The following WASHC4 variants were observed in gnomAD, a reference collection of about 807,000 sequenced individuals.
The protein encoded by WASHC4 is WASH complex subunit 4.
WASHC4 carries 86 observed loss-of-function variants against 166.6 expected under a neutral mutation model. That is an observed-to-expected ratio of 0.52 (90% confidence interval 0.43 to 0.62). The LOEUF (loss-of-function observed/expected upper bound fraction) is 0.62. Ranked by LOEUF, WASHC4 falls within the 20% of genes least tolerant of loss-of-function variation. The pLI, the probability that WASHC4 is intolerant of heterozygous loss-of-function variation, is 0.00. For missense variants in WASHC4, 1,262 were observed against 1,382.4 expected, an observed-to-expected ratio of 0.91 and a Z score of 1.38; for synonymous variants, 446 against 451.6, an observed-to-expected ratio of 0.99 and a Z score of 0.16.
chr12:105,149,457 T>C, intron 24 of WASHC4, 158 bp from the exon 25 acceptor site: 2 of 1,054,374 alleles, frequency 1.9e-6, no homozygotes, highest in South Asian at 6.6e-5. Flanking sequence ...TAAAAAATGT[T>C]ATTTAAATAT....
intron 15 of WASHC4, among the ~76,000 whole-genome samples, chr12:105,138,979 A>G (rs1882559968): frequency 6.6e-6 from 1 of 152,180 alleles, no homozygotes; most frequent in South Asian, 2.1e-4. Context: ...ACCTCAGAGG[A>G]AACTACTGTC....
chr12:105,115,574 A>G (rs904884981), intron 5 of WASHC4, 87 bp from the exon 6 acceptor site: 246 of 823,148 alleles, frequency 3.0e-4, no homozygotes, highest in Non-Finnish European at 4.0e-4. Context: ...TGTCCTAATG[A>G]AAAAAAAAAA....
intron 9 of WASHC4, 103 bp from the exon 10 acceptor site, chr12:105,122,015 C>T: frequency 3.7e-6 from 3 of 806,468 alleles, no homozygotes; most frequent in East Asian, 5.5e-5. Context: ...TAGAGCCAAA[C>T]AAGAAATATA....
intron 32 of WASHC4, among the ~76,000 whole-genome samples, chr12:105,165,038 A>G (rs1566033875): frequency 6.6e-6 from 1 of 152,226 alleles, no homozygotes; most frequent in Non-Finnish European, 1.5e-5. Context: ...GGCTCAAACT[A>G]TTAGATTTGA....
chr12:105,110,749 A>G (rs891798531), intron 1 of WASHC4, among the ~76,000 whole-genome samples: 1 of 152,144 alleles, frequency 6.6e-6, no homozygotes, highest in Non-Finnish European at 1.5e-5. Flanking sequence ...CAGATCATGA[A>G]TATTTGTTTT....
At chr12:105,152,679 AT>A (rs1227972750) in intron 26 of WASHC4, among the ~76,000 whole-genome samples, 17 of 152,214 alleles carry the variant, frequency 1.1e-4, no homozygotes, top group Non-Finnish European at 2.2e-4. Flanking sequence ...TTCAATTATA[AT>A]TAAAGTTATT....
intron 15 of WASHC4, 29 bp from the exon 16 acceptor site, chr12:105,140,265 G>A: frequency 3.9e-6 from 6 of 1,522,582 alleles, no homozygotes; most frequent in Non-Finnish European, 5.5e-6. Flanking sequence ...TAAGTTGATT[G>A]TCAGAAAATT....
chr12:105,148,553 A>G (rs1883496151), intron 24 of WASHC4: 1 of 984,740 alleles, frequency 1.0e-6, no homozygotes, highest in Non-Finnish European at 1.2e-6. Context: ...CAGAATAGTT[A>G]CCCACTATTA....
At chr12:105,111,070 G>A in intron 1 of WASHC4, 55 bp from the exon 2 acceptor site, 2 of 1,295,232 alleles carry the variant, frequency 1.5e-6, no homozygotes, top group East Asian at 2.3e-5. Flanking sequence ...TGAAGTAAAT[G>A]TCCTGCAATT....
intron 22 of WASHC4, among the ~76,000 whole-genome samples, chr12:105,145,688 A>G (rs964395952): frequency 6.6e-6 from 1 of 152,132 alleles, no homozygotes; most frequent in Non-Finnish European, 1.5e-5. Context: ...TGTGTAAACA[A>G]ATTTTTAGAT....
Position 105,142,573 on chromosome 12 carries a change from A to G in WASHC4, c.1893+15A>G, listed in dbSNP as rs1458494184. 1.5e-6 allele frequency: 2 copies of G among 1,293,682 alleles called. No homozygotes were observed. The highest frequency in any genetic ancestry group is 2.2e-6 in the Non-Finnish European group (2 of 891,970). 80.1% of individuals were successfully genotyped at this position (1,293,682 alleles called of 1,614,324 possible). On this transcript the variant is annotated intron_variant, in intron 19 of 32. Coordinates refer to ENST00000332180, the MANE Select transcript of WASHC4 (RefSeq NM_015275.3). The stretch of plus-strand genomic sequence containing the variant: ...CCAGATTACATGTAAGTAAAGAACA[A>G]TATAAAGAATAATTCTATCATTTTA...
intron 7 of WASHC4, 84 bp from the exon 8 acceptor site, chr12:105,120,471 C>T: frequency 1.3e-6 from 1 of 799,088 alleles, no homozygotes. Flanking sequence ...ATTCCAAGAT[C>T]ATCTGCTCCT....
intron 21 of WASHC4, 22 bp downstream of exon 21, chr12:105,144,477 T>C (rs1883130952): frequency 6.2e-7 from 1 of 1,601,722 alleles, no homozygotes; most frequent in East Asian, 2.2e-5. Flanking sequence ...GCTTTCCTTC[T>C]TAGAGTCATA....
chr12:105,135,501 T>C (rs1566010975), intron 14 of WASHC4, among the ~76,000 whole-genome samples: 1 of 151,934 alleles, frequency 6.6e-6, no homozygotes, highest in Non-Finnish European at 1.5e-5. Context: ...TTCTAAAATA[T>C]GTATCTTTCT....
At position 105,126,069 on chromosome 12, in the gene WASHC4, T is replaced by G; in HGVS notation, c.852T>G (p.Phe284Leu). Residue 284 changes from phenylalanine to leucine, a missense_variant, in exon 11 of 33, where the codon TTT (phenylalanine) becomes TTG (leucine). Transcript: ENST00000332180. ...GGVSVSKNST[F>L]AEEFAHSIRS... ...TATCTGTGTCAAAAAATAGTACTTT[T>G]GCTGAGGAATTTGCACATAGTATTC... 6.2e-7 allele frequency: 1 copy of G among 1,613,012 alleles called. No homozygotes were observed. Among genetic ancestry groups the G allele is most frequent in the East Asian group, 2.2e-5 (1 of 44,712 alleles).
rs190012636 is a variant in WASHC4 at position 105,157,797 on chromosome 12, A to G, written c.2912+475A>G. 1.4e-3 allele frequency among the ~76,000 whole-genome samples: 209 copies of G among 152,356 alleles called. 1 individual carries two copies. In the Middle Eastern group the frequency reaches 0.031, roughly 22 times the overall value. ...GCCGGTAAACACTTAAAATATGGCA[A>G]ATGCGACTGGGGAATTGAAGTGTAA... On this transcript the variant is annotated intron_variant, in intron 28 of 32. Transcript: ENST00000332180.
At chr12:105,114,033 C>G (rs1225746660) in intron 2 of WASHC4, among the ~76,000 whole-genome samples, 183 bp from the exon 3 acceptor site, 1 of 151,906 alleles carries the variant, frequency 6.6e-6, no homozygotes, top group Non-Finnish European at 1.5e-5. Context: ...TCATGTTGGG[C>G]CATTTCTTTC....
At chr12:105,158,412 T>C (rs1884302738) in intron 28 of WASHC4, among the ~76,000 whole-genome samples, 4 of 152,196 alleles carry the variant, frequency 2.6e-5, no homozygotes, top group Admixed American at 1.3e-4. Context: ...TAATGTGGCC[T>C]CTTGATGCAA....
chr12:105,115,027 A>T (rs1880049785), intron 4 of WASHC4, among the ~76,000 whole-genome samples, 157 bp from the exon 5 acceptor site: 1 of 151,956 alleles, frequency 6.6e-6, no homozygotes, highest in African/African-American at 2.4e-5. Flanking sequence ...GTTACTCTAA[A>T]GATGAATTGC....
Sources: gnomAD v4.1 joint callset for allele counts (sites outside exome capture counted in the v4.1 genomes callset) on GRCh38, gnomAD v4.1.1 for gene constraint, MANE v1.5 for transcripts, NCBI Gene and HGNC (gene_info 2026-07-23, HGNC 2026-07-21) for gene names.